ZNF331: variants seen among roughly 807,000 people sequenced by gnomAD.
The protein encoded by ZNF331 is C2H2-like zinc finger protein rearranged in thyroid adenomas.
ZNF331 carries 2 observed loss-of-function variants against 7.0 expected under a neutral mutation model. That is an observed-to-expected ratio of 0.29 (90% confidence interval 0.12 to 0.90). The LOEUF is 0.90. Among genes scored for constraint, ZNF331 ranks in the 40% least tolerant of loss-of-function variants. The pLI, the probability that ZNF331 is intolerant of heterozygous loss-of-function variation, is 0.58. For synonymous variants in ZNF331, 196 were observed against 205.4 expected (o/e 0.95, Z 0.39); for missense variants, 432 against 587.7 (o/e 0.74, Z 2.74).
At chr19:53,540,254 C>T (rs73051531) in intron 2 of ZNF331, among the ~76,000 whole-genome samples, 7,770 of 152,174 alleles carry the variant, frequency 0.051, 225 homozygotes, top group Middle Eastern at 0.085. Flanking sequence ...GCTCACAGTT[C>T]TGGAGGCTGG....
chr19:53,573,629 G>A lies in ZNF331; in HGVS notation c.136+1899G>A, dbSNP rs886967818. Among the ~76,000 whole-genome samples the A allele has an allele frequency of 2.6e-5, 4 of 151,918 alleles. No homozygotes were observed. The highest frequency in any genetic ancestry group is 6.6e-5 in the Admixed American group (1 of 15,244). ...ACCACAGGTGCACACCACGACACCC[G>A]GCTAATTGTTGTGTTTTTTCTTAGA... is the stretch of plus-strand genomic sequence containing the variant. On this transcript the variant is annotated intron_variant, in intron 5 of 5. Transcript: ENST00000449416. The surrounding 1 kb of genome is among the most constrained non-coding windows in gnomAD (Gnocchi z 4.2).
At position 53,578,139 on chromosome 19, in the gene ZNF331, G is replaced by A. The variant is rs1195260660; in HGVS notation, c.*187G>A. 30 of 747,670 alleles carry A rather than the reference G, an allele frequency of 4.0e-5. No individual in the cohort carries two copies. In the South Asian group the frequency reaches 4.3e-4, roughly 11 times the overall value. 46.3% of individuals were successfully genotyped at this position (747,670 alleles called of 1,614,324 possible). A position where few individuals can be genotyped will look rare whatever the true frequency, so the allele number is the denominator to read the frequency against. ...TCTCGCTGTCCGGCTCCAGCCGGCC[G>A]GGGATGTGAGTCATCCCTTGGTCCA... On this transcript the variant is annotated 3_prime_UTR_variant, in exon 6 of 6. Coordinates refer to ENST00000449416, the MANE Select transcript of ZNF331 (RefSeq NM_001079906.2).
chr19:53,522,256 G>GTT lies in ZNF331; in HGVS notation c.-273+185_-273+186dup, dbSNP rs560872830. ...CAAGTGTGCCCTATTTTCTTTCTTT[G>GTT]TTTTTTTTTTTTTTGAGACAGAGTC... On this transcript the variant is annotated intron_variant, in intron 1 of 6. Coordinates refer to the ZNF331 transcript ENST00000253144. Among the ~76,000 whole-genome samples the GTT allele has an allele frequency of 7.3e-3, 1,016 of 139,550 alleles. 9 individuals are homozygous for GTT. Among genetic ancestry groups the GTT allele is most frequent in the African/African-American group, 0.017 (667 of 38,216 alleles). 91.6% of individuals were successfully genotyped at this position (139,550 alleles called of 152,430 possible). A position where few individuals can be genotyped will look rare whatever the true frequency, so the allele number is the denominator to read the frequency against.
intron 2 of ZNF331, among the ~76,000 whole-genome samples, chr19:53,545,559 G>A (rs976221328): frequency 2.0e-5 from 3 of 152,106 alleles, no homozygotes; most frequent in East Asian, 1.9e-4. Flanking sequence ...GTGACACAGC[G>A]CCAGTCACAT....
chr19:53,552,134 A>C (rs2089050661), intron 2 of ZNF331, among the ~76,000 whole-genome samples: 1 of 152,210 alleles, frequency 6.6e-6, no homozygotes, highest in Non-Finnish European at 1.5e-5. Context: ...AATGGTTTGC[A>C]TAAATGTCCT....
At chr19:53,544,274 G>A (rs562573861) in intron 2 of ZNF331, among the ~76,000 whole-genome samples, 68 of 150,512 alleles carry the variant, frequency 4.5e-4, no homozygotes, top group Middle Eastern at 3.5e-3. Flanking sequence ...GGCCGGGTGT[G>A]GTGGCTCATG....
At chr19:53,564,072 TTC>T (rs1326426583) in intron 3 of ZNF331, among the ~76,000 whole-genome samples, 68 of 102,464 alleles carry the variant, frequency 6.6e-4, no homozygotes, top group African/African-American at 2.9e-3. Context: ...AGAGCCTGCA[TTC>T]TTTTTTTTTT....
chr19:53,554,521 G>C (rs1221279917), intron 2 of ZNF331: 1 of 152,218 alleles, frequency 6.6e-6, no homozygotes, highest in Admixed American at 6.5e-5. Context: ...CTCCATGGGT[G>C]GCGGGACCGA....
rs1411361673 is a variant in ZNF331 at position 53,576,681 on chromosome 19, T to C, written c.137-16T>C. ...GTGTCCCTCTAAAGGAAAGAAAATATGTTCTTTTTTCCCAGATTTGGAGTC... is the reference window on the plus strand; with the variant it reads ...GTGTCCCTCTAAAGGAAAGAAAATACGTTCTTTTTTCCCAGATTTGGAGTC... On this transcript the variant is annotated splice_polypyrimidine_tract_variant and intron_variant, in intron 5 of 5. Coordinates refer to ENST00000449416, the MANE Select transcript of ZNF331 (RefSeq NM_001079906.2). The C allele has an allele frequency of 1.9e-6, 3 of 1,582,754 alleles. No homozygotes were observed. Among genetic ancestry groups the C allele is most frequent in the East Asian group, 2.2e-5 (1 of 44,592 alleles).
At chr19:53,512,492 C>A in the ZNF331 span, 252 of 152,426 alleles carry the variant, frequency 1.7e-3, 1 homozygote, top group Middle Eastern at 0.017. Context: ...GGGCTGCTTA[C>A]TTCCCTTACC....
rs763318555 is a variant in ZNF331, at chr19:53,577,647, G to A, written c.1087G>A (p.Ala363Thr). The change falls in exon 6 of 6, where the codon GCC becomes ACC. Residue 363 changes from alanine to threonine, a missense_variant. Transcript: ENST00000449416. ...GTACAAGTGCACAGAATGTGGGAAG[G>A]CCTTCAATTGTGGCTATCACCTCAC... ...KPYKCTECGK[A>T]FNCGYHLTQH... The A allele has an allele frequency of 5.6e-5, 91 of 1,613,824 alleles. No individual in the cohort carries two copies. Among genetic ancestry groups the A allele is most frequent in the Non-Finnish European group, 7.4e-5 (87 of 1,179,990 alleles).
In ZNF331 at chr19:53,547,007, C is replaced by G. The variant is rs1384573999; in HGVS notation, c.-138+7725C>G. On this transcript the variant is annotated intron_variant, in intron 2 of 5. Coordinates refer to ENST00000449416, the MANE Select transcript of ZNF331 (RefSeq NM_001079906.2). Reference sequence around the variant, plus strand: ...GTTTATGGTCTACAGAGGCTTTGATCTGTGTTTATACTGCAGATTAAATCA... The same window carrying G: ...GTTTATGGTCTACAGAGGCTTTGATGTGTGTTTATACTGCAGATTAAATCA... Among the ~76,000 whole-genome samples the G allele has an allele frequency of 2.0e-5, 3 of 152,214 alleles. No individual in the cohort carries two copies. The East Asian group carries it at 5.8e-4, about 29-fold the overall frequency.
At chr19:53,513,162 C>A in the ZNF331 span, among the ~76,000 whole-genome samples, 1 of 151,398 alleles carries the variant, frequency 6.6e-6, no homozygotes, top group Non-Finnish European at 1.5e-5. Flanking sequence ...CTAAAACCCT[C>A]TCAGCCGCTG....
At chr19:53,553,642 A>G (rs2089161207) in intron 2 of ZNF331, among the ~76,000 whole-genome samples, 1 of 152,210 alleles carries the variant, frequency 6.6e-6, no homozygotes, top group South Asian at 2.1e-4. Context: ...AGACCCTGTG[A>G]CATTAGTACT....
intron 3 of ZNF331, among the ~76,000 whole-genome samples, chr19:53,567,747 G>A (rs1219216636): frequency 6.6e-6 from 1 of 152,026 alleles, no homozygotes; most frequent in African/African-American, 2.4e-5. Context: ...GGAGGCTGAG[G>A]TGGGAGGATT....
intron 2 of ZNF331, among the ~76,000 whole-genome samples, chr19:53,532,335 A>G (rs1470334612): frequency 6.6e-6 from 1 of 152,148 alleles, no homozygotes; most frequent in African/African-American, 2.4e-5. Flanking sequence ...GAGATAATGC[A>G]GGTGGACCTT....
Position 53,577,273 on chromosome 19 carries a change from C to A in ZNF331, c.713C>A (p.Thr238Asn). Reference sequence around the variant, plus strand: ...CTCACTCAGCACCAGAGATTCCACACTGGGGAGAAAGACTACGAATGCAAA... The same window carrying A: ...CTCACTCAGCACCAGAGATTCCACAATGGGGAGAAAGACTACGAATGCAAA... ...DELTQHQRFHTGEKDYECKDC... is the reference protein window; with the variant it reads ...DELTQHQRFHNGEKDYECKDC... The change falls in exon 6 of 6, where the codon ACT becomes AAT. Residue 238 changes from threonine to asparagine, a missense_variant. Physicochemically the swap from Thr to Asn is moderately conservative, Grantham distance 65. Transcript: ENST00000449416. 5 of 1,613,880 alleles carry A rather than the reference C, an allele frequency of 3.1e-6. No homozygotes were observed. The highest frequency in any genetic ancestry group is 1.1e-5 in the South Asian group (1 of 91,068).
the ZNF331 span, among the ~76,000 whole-genome samples, chr19:53,507,322 T>A: frequency 3.0e-3 from 455 of 152,244 alleles, 2 homozygotes; most frequent in African/African-American, 0.011. Context: ...CCAAATCCTG[T>A]CCCACAGACA....
chr19:53,538,612 T>C (rs1456418228), intron 1 of ZNF331: 3 of 152,596 alleles, frequency 2.0e-5, no homozygotes, highest in Non-Finnish European at 4.4e-5. Context: ...CGTTAGTGGG[T>C]ATGAGGGGCG....
Sources: allele counts gnomAD v4.1 joint callset (sites outside exome capture counted in the v4.1 genomes callset), GRCh38; gene constraint gnomAD v4.1.1; non-coding constraint Gnocchi (gnomAD v3.1); transcripts MANE v1.5; gene names NCBI Gene and HGNC (gene_info 2026-07-23, HGNC 2026-07-21).